Variants in PSD3 observed in about 807,000 individuals in gnomAD.
The protein encoded by PSD3 is pleckstrin and Sec7 domain containing 3.
A neutral mutation model predicts 105.5 loss-of-function variants in PSD3; 49 were observed. That is an observed-to-expected ratio of 0.46 (90% CI 0.37 to 0.59). The LOEUF (loss-of-function observed/expected upper bound fraction) is 0.59, where lower values mean the gene tolerates loss of function less well. Ranked by LOEUF, PSD3 falls within the 20% of genes least tolerant of loss-of-function variation. PSD3 has a pLI of 0.00. For synonymous variants in PSD3, 557 were observed against 457.8 expected (o/e 1.22, Z -2.77); for missense variants, 1,561 against 1,263.8 (o/e 1.24, Z -3.57).
intron 1 of PSD3, among the ~76,000 whole-genome samples, chr8:19,052,426 C>G (rs77531923): frequency 6.7e-6 from 1 of 148,500 alleles, no homozygotes; most frequent in Non-Finnish European, 1.5e-5. Context: ...GAGCCGAGAT[C>G]GCACCACTGC....
chr8:18,834,979 G>A (rs1813987132), intron 4 of PSD3, among the ~76,000 whole-genome samples: 1 of 152,154 alleles, frequency 6.6e-6, no homozygotes, highest in South Asian at 2.1e-4. Flanking sequence ...TGGAAATAAA[G>A]CTCATCCATG....
intron 9 of PSD3, among the ~76,000 whole-genome samples, chr8:18,761,834 T>A (rs1806567511): frequency 6.6e-6 from 1 of 152,186 alleles, no homozygotes. Context: ...AGAAACATGA[T>A]CACAGGGTTA....
intron 15 of PSD3, among the ~76,000 whole-genome samples, chr8:18,544,461 G>T (rs1477390877): frequency 1.3e-5 from 2 of 150,730 alleles, no homozygotes; most frequent in African/African-American, 4.9e-5. Flanking sequence ...CTACTCCCAT[G>T]TCAGGCTTCA....
At chr8:18,778,402 T>A (rs1482820236) in intron 8 of PSD3, among the ~76,000 whole-genome samples, 3 of 152,158 alleles carry the variant, frequency 2.0e-5, no homozygotes, top group African/African-American at 7.2e-5. Context: ...AAGATCATGT[T>A]ATCTGAAGAA....
intron 4 of PSD3, among the ~76,000 whole-genome samples, chr8:18,821,176 C>CTT (rs5889826): frequency 0.16 from 24,168 of 147,364 alleles, 2,150 homozygotes; most frequent in Admixed American, 0.3. Context: ...TTTTGAAATT[C>CTT]TTTTTTTTTT....
intron 12 of PSD3, among the ~76,000 whole-genome samples, chr8:18,580,560 C>A (rs1802748842): frequency 1.3e-5 from 2 of 151,800 alleles, no homozygotes; most frequent in Non-Finnish European, 2.9e-5. Flanking sequence ...AAAAAACAAA[C>A]AAAAAAACAA....
intron 4 of PSD3, among the ~76,000 whole-genome samples, chr8:18,837,277 G>C (rs536454226): frequency 6.6e-6 from 1 of 152,148 alleles, no homozygotes; most frequent in Non-Finnish European, 1.5e-5. Flanking sequence ...CTGTAGACCA[G>C]GGGCCAGCTC....
intron 1 of PSD3, among the ~76,000 whole-genome samples, chr8:19,028,017 T>C (rs1464821158): frequency 6.6e-6 from 1 of 152,244 alleles, no homozygotes; most frequent in Non-Finnish European, 1.5e-5. Context: ...TCTGCCAGTT[T>C]TCCAAAGTGG....
chr8:18,922,653 G>A (rs141786619), intron 2 of PSD3, among the ~76,000 whole-genome samples: 427 of 152,212 alleles, frequency 2.8e-3, no homozygotes, highest in African/African-American at 9.8e-3. Flanking sequence ...CTCCAAGACT[G>A]CCCCTTCCCT....
At chr8:18,582,913 C>T (rs539378019) in intron 12 of PSD3, among the ~76,000 whole-genome samples, 1 of 151,118 alleles carries the variant, frequency 6.6e-6, no homozygotes, top group East Asian at 2.0e-4. Flanking sequence ...GCAACCTCCA[C>T]CTCCTGGGTT....
intron 8 of PSD3, among the ~76,000 whole-genome samples, chr8:18,782,088 T>C (rs936836099): frequency 6.6e-6 from 1 of 152,180 alleles, no homozygotes; most frequent in East Asian, 1.9e-4. Context: ...GTGAAATGTT[T>C]CTTTGCATTG....
At chr8:18,995,664 C>CAGCT (rs1826037712) in intron 1 of PSD3, among the ~76,000 whole-genome samples, 2 of 152,040 alleles carry the variant, frequency 1.3e-5, no homozygotes, top group African/African-American at 4.8e-5. Context: ...AATTGATGCA[C>CAGCT]AGCTCAGCTT....
At chr8:18,596,350 C>T (rs1487471225) in intron 12 of PSD3, among the ~76,000 whole-genome samples, 1 of 151,508 alleles carries the variant, frequency 6.6e-6, no homozygotes, top group Non-Finnish European at 1.5e-5. Flanking sequence ...TAAAGTAATG[C>T]AAAGTTAGCA....
At chr8:18,563,782 G>A (rs944186727) in intron 14 of PSD3, among the ~76,000 whole-genome samples, 15 of 152,166 alleles carry the variant, frequency 9.9e-5, no homozygotes, top group African/African-American at 3.6e-4. Flanking sequence ...GAGTTTGAAT[G>A]TGAAAAAATG....
chr8:18,755,034 T>C (rs1437278758), intron 9 of PSD3, among the ~76,000 whole-genome samples: 11 of 152,110 alleles, frequency 7.2e-5, no homozygotes, highest in Admixed American at 7.2e-4. Context: ...AAAAAGAGGA[T>C]AGCTTTTATT....
At chr8:18,576,882 G>A (rs1030619360) in intron 12 of PSD3, among the ~76,000 whole-genome samples, 3 of 144,342 alleles carry the variant, frequency 2.1e-5, no homozygotes, top group African/African-American at 7.3e-5. Flanking sequence ...CTAGAAATTT[G>A]TGTGTACTTT....
chr8:18,966,730 T>C (rs1824277087), intron 1 of PSD3, among the ~76,000 whole-genome samples: 1 of 152,174 alleles, frequency 6.6e-6, no homozygotes, highest in Non-Finnish European at 1.5e-5. Flanking sequence ...GGACGCAACG[T>C]TTCCGGACCA....
chr8:18,775,842 A>T (rs1808010697), intron 8 of PSD3, among the ~76,000 whole-genome samples: 1 of 152,156 alleles, frequency 6.6e-6, no homozygotes, highest in Non-Finnish European at 1.5e-5. Flanking sequence ...ATGGGACACC[A>T]CATCTAAATA....
At chr8:18,748,856 G>A (rs1348272966) in intron 9 of PSD3, among the ~76,000 whole-genome samples, 1 of 152,160 alleles carries the variant, frequency 6.6e-6, no homozygotes, top group East Asian at 1.9e-4. Flanking sequence ...TGGTCACAGA[G>A]GTAAGCCCTG....
Sources: gnomAD v4.1 joint callset for allele counts (sites outside exome capture counted in the v4.1 genomes callset) on GRCh38, gnomAD v4.1.1 for gene constraint, MANE v1.5 for transcripts, NCBI Gene and HGNC (gene_info 2026-07-23, HGNC 2026-07-21) for gene names.